PTPN3: variants seen among roughly 807,000 people sequenced by gnomAD.
PTPN3 encodes tyrosine-protein phosphatase non-receptor type 3.
A neutral mutation model predicts 132.7 loss-of-function variants in PTPN3; 96 were observed. That is an observed-to-expected ratio of 0.72 (90% CI 0.61 to 0.86). PTPN3 has a LOEUF of 0.86. Among genes scored for constraint, PTPN3 ranks in the 40% least tolerant of loss-of-function variants. The pLI is 0.00. For synonymous variants in PTPN3, 398 were observed against 429.0 expected (o/e 0.93, Z 0.89); for missense variants, 1,125 against 1,159.6 (o/e 0.97, Z 0.43).
chr9:109,533,630 C>A, the PTPN3 span: 1 of 1,504,990 alleles, frequency 6.6e-7, no homozygotes, highest in Non-Finnish European at 9.1e-7. Flanking sequence ...TATACTCTGC[C>A]ACACTGATCT....
At chr9:109,500,775 A>G (rs917274444), upstream of PTPN3, among the ~76,000 whole-genome samples, 1 of 152,034 alleles carries the variant, frequency 6.6e-6, no homozygotes, top group South Asian at 2.1e-4. Flanking sequence ...TACAAAAAAA[A>G]ACTTATCCAG....
At chr9:109,387,618 C>T (rs1839703455) in intron 22 of PTPN3, among the ~76,000 whole-genome samples, 1 of 152,166 alleles carries the variant, frequency 6.6e-6, no homozygotes, top group African/African-American at 2.4e-5. Flanking sequence ...GGCATTACCA[C>T]CTCCTTTCTA....
At chr9:109,456,939 G>A (rs979965913) in intron 4 of PTPN3, among the ~76,000 whole-genome samples, 6 of 152,060 alleles carry the variant, frequency 3.9e-5, no homozygotes, top group African/African-American at 1.2e-4. Flanking sequence ...GCTCTGAGCT[G>A]CCTACTCTCA....
At chr9:109,488,465 G>A (rs1847316450) in intron 1 of PTPN3, among the ~76,000 whole-genome samples, 1 of 152,072 alleles carries the variant, frequency 6.6e-6, no homozygotes, top group East Asian at 1.9e-4. Context: ...CCAACATTCA[G>A]CAGTACTAGT....
At chr9:109,533,978 T>C in the PTPN3 span, 1 of 758,216 alleles carries the variant, frequency 1.3e-6, no homozygotes, top group Non-Finnish European at 2.4e-6. Context: ...CTCTGCACCC[T>C]TTTCTCCTTC....
At position 109,463,364 on chromosome 9, in the gene PTPN3, T is replaced by G; in HGVS notation, c.71A>C (p.Lys24Thr). 1 of 1,613,938 alleles carries G rather than the reference T, an allele frequency of 6.2e-7. No homozygotes were observed. The highest frequency in any genetic ancestry group is 8.5e-7 in the Non-Finnish European group (1 of 1,179,982). Residue 24 changes from lysine to threonine, a missense_variant, in exon 2 of 26, where the codon AAA becomes ACA. By Grantham distance (78) the Lys-to-Thr change is moderately conservative. Transcript: ENST00000374541. ...GCTGCAAATGACTTCTGATCGAGTT[T>G]TCTCTTTGGGTAACTCCGAGGTGCG... ...NIRTSELPKE[K>T]TRSEVICSIH...
At chr9:109,408,266 A>G in intron 17 of PTPN3, 55 bp downstream of exon 17, 5 of 1,383,732 alleles carry the variant, frequency 3.6e-6, no homozygotes, top group Non-Finnish European at 4.9e-6. Flanking sequence ...GAAACCTGTT[A>G]GAATTAGGGG....
chr9:109,507,094 A>C, the PTPN3 span, among the ~76,000 whole-genome samples: 8 of 152,208 alleles, frequency 5.3e-5, no homozygotes, highest in African/African-American at 1.9e-4. Flanking sequence ...GGGCACAACA[A>C]TCCATACCTT....
intron 14 of PTPN3, among the ~76,000 whole-genome samples, chr9:109,411,346 G>T (rs899626903): frequency 1.3e-5 from 2 of 152,130 alleles, no homozygotes. Flanking sequence ...ACCGATGTGC[G>T]TCCTAAGCCT....
chr9:109,430,877 G>A (rs1843615311), intron 10 of PTPN3, among the ~76,000 whole-genome samples: 1 of 152,166 alleles, frequency 6.6e-6, no homozygotes, highest in Non-Finnish European at 1.5e-5. Flanking sequence ...TCACTAGCTG[G>A]GTTCTCTCTT....
chr9:109,465,712 A>C (rs1241103808), intron 1 of PTPN3, among the ~76,000 whole-genome samples: 1 of 148,008 alleles, frequency 6.8e-6, no homozygotes, highest in Admixed American at 6.7e-5. Context: ...GTCTCAAAAA[A>C]AAAAAAAAAA....
the PTPN3 span, among the ~76,000 whole-genome samples, chr9:109,522,471 T>A: frequency 3.3e-5 from 5 of 152,234 alleles, no homozygotes; most frequent in Admixed American, 6.5e-5. Context: ...CTAGCACGCC[T>A]GATGCTGCAC....
Position 109,494,842 on chromosome 9 carries a change from C to T in PTPN3, c.-18+3377G>A, listed in dbSNP as rs548914225. Among the ~76,000 whole-genome samples the T allele has an allele frequency of 5.3e-5, 8 of 152,248 alleles. No individual in the cohort carries two copies. In the East Asian group the frequency reaches 1.5e-3, roughly 29 times the overall value. On this transcript the variant is annotated intron_variant, in intron 1 of 25. Coordinates refer to ENST00000374541, the MANE Select transcript of PTPN3 (RefSeq NM_002829.4). The stretch of plus-strand genomic sequence containing the variant: ...CCTATGGCCTAATACATGGTAGAGA[C>T]TCAATAAATGTCTCAATTTGCTGTT...
chr9:109,387,265 C>T (rs779328760), intron 22 of PTPN3, among the ~76,000 whole-genome samples: 1 of 152,192 alleles, frequency 6.6e-6, no homozygotes, highest in Non-Finnish European at 1.5e-5. Flanking sequence ...GCTGAACCAA[C>T]CAGAGGGCCT....
At chr9:109,461,852 A>G (rs564576420) in intron 2 of PTPN3, among the ~76,000 whole-genome samples, 9 of 152,314 alleles carry the variant, frequency 5.9e-5, no homozygotes, top group African/African-American at 2.2e-4. Context: ...GTGCAGACAC[A>G]GAATATTTCC....
intron 1 of PTPN3, among the ~76,000 whole-genome samples, chr9:109,480,661 AG>A (rs2132100258): frequency 6.6e-6 from 1 of 152,134 alleles, no homozygotes; most frequent in Non-Finnish European, 1.5e-5. Context: ...TTATGGCTTT[AG>A]GGTCTTTTAT....
chr9:109,534,746 G>A, the PTPN3 span, among the ~76,000 whole-genome samples: 1 of 151,980 alleles, frequency 6.6e-6, no homozygotes, highest in Non-Finnish European at 1.5e-5. Context: ...AGGTTGCAGT[G>A]AGCCAAGATG....
chr9:109,383,735 G>T (rs1335715138), intron 22 of PTPN3, among the ~76,000 whole-genome samples, 184 bp from the exon 23 acceptor site: 2 of 152,166 alleles, frequency 1.3e-5, no homozygotes, highest in African/African-American at 4.8e-5. Flanking sequence ...GCCTGCCAGG[G>T]ACTAGGCCAC....
upstream of PTPN3, among the ~76,000 whole-genome samples, chr9:109,501,527 G>GC (rs1847864336): frequency 6.6e-6 from 1 of 152,106 alleles, no homozygotes; most frequent in Non-Finnish European, 1.5e-5. Context: ...TATTCTTGGG[G>GC]CCAAAATGTT....
Sources: gnomAD v4.1 joint callset for allele counts (sites outside exome capture counted in the v4.1 genomes callset) on GRCh38, gnomAD v4.1.1 for gene constraint, MANE v1.5 for transcripts, NCBI Gene and HGNC (gene_info 2026-07-23, HGNC 2026-07-21) for gene names.